KHK: variants seen among roughly 807,000 people sequenced by gnomAD.
The protein encoded by KHK is fructokinase.
Under a neutral mutation model 36.0 loss-of-function variants are expected in KHK, and 37 were observed. That is an observed-to-expected ratio of 1.03 (90% CI 0.79 to 1.35). KHK has a LOEUF of 1.35. KHK is among the 40% of genes most tolerant of loss of function. The probability of loss-of-function intolerance (pLI) is 0.00; values close to 1 mark genes in which losing one functional copy is unlikely to be tolerated. For missense variants in KHK, 395 were observed against 391.9 expected (o/e 1.01, Z -0.07); for synonymous variants, 161 against 162.8 (o/e 0.99, Z 0.08).
At position 27,092,402 on chromosome 2, in the gene KHK, G is replaced by A. The variant is rs973664792; in HGVS notation, c.163G>A (p.Ala55Thr). 3.1e-6 allele frequency: 5 copies of A among 1,613,556 alleles called. No individual in the cohort carries two copies. Among genetic ancestry groups the A allele is most frequent in the Middle Eastern group, 1.6e-4 (1 of 6,062 alleles). The change falls in exon 2 of 8, where the codon GCC (alanine) becomes ACC (threonine). Residue 55 changes from alanine (A) to threonine (T), a missense_variant. Ala to Thr is a moderately conservative substitution (Grantham distance 58, BLOSUM62 0). Transcript: ENST00000260598. ...NSCTVLSLLG[A>T]PCAFMGSMAP... ...CTGCACCGTTCTCTCCCTGCTCGGA[G>A]CCCCCTGTGCCTTCATGGGCTCAAT...
In KHK at chr2:27,096,797, T is replaced by C. The variant is rs1326418810; in HGVS notation, c.413T>C (p.Ile138Thr). ...CTGACCCAGTTCAAGTGGATCCACATTGAGGTAAGCCCTGCCTTACCTGTG... is the reference window on the plus strand; with the variant it reads ...CTGACCCAGTTCAAGTGGATCCACACTGAGGTAAGCCCTGCCTTACCTGTG... ...VDLTQFKWIH[I>T]EGRNASEQVK... Residue 138 changes from isoleucine (I) to threonine (T), a missense_variant, in exon 4 of 8, where the codon ATT becomes ACT. Transcript: ENST00000260598. The C allele has an allele frequency of 3.7e-6, 6 of 1,613,260 alleles. No individual in the cohort carries two copies. The highest frequency in any genetic ancestry group is 5.1e-6 in the Non-Finnish European group (6 of 1,179,254).
chr2:27,087,611 T>C (rs1050367582), intron 1 of KHK, among the ~76,000 whole-genome samples: 4 of 152,144 alleles, frequency 2.6e-5, no homozygotes, highest in African/African-American at 7.2e-5. Context: ...GCATCAGGTG[T>C]CAGGTGTCAG....
rs141247751 is a variant in KHK at position 27,100,463 on chromosome 2, G to A, written c.*713G>A. 5.4e-6 allele frequency: 7 copies of A among 1,291,058 alleles called. No homozygotes were observed. The highest frequency in any genetic ancestry group is 6.1e-6 in the Non-Finnish European group (6 of 988,876). The allele number at this position is 1,291,058 out of a possible 1,614,324, so 80.0% of individuals were successfully genotyped here. A position where few individuals can be genotyped will look rare whatever the true frequency, so the allele number is the denominator to read the frequency against. On this transcript the variant is annotated 3_prime_UTR_variant, in exon 8 of 8. Coordinates refer to ENST00000260598, the MANE Select transcript of KHK (RefSeq NM_006488.3). ...AGCCACAAATGTGACCCAGGATACA[G>A]AGTGTTGCTGTCCTCAGGGAGGTCC...
chr2:27,094,268 G>T (rs1670186756), intron 2 of KHK: 1 of 646,854 alleles, frequency 1.5e-6, no homozygotes. Context: ...ATGGCCCTTA[G>T]TGTTTCTCTC....
At chr2:27,097,116 C>A (rs933327058) in intron 4 of KHK, among the ~76,000 whole-genome samples, 1 of 152,152 alleles carries the variant, frequency 6.6e-6, no homozygotes. Context: ...TAGGGCCTGA[C>A]CCATTACCTC....
At chr2:27,099,336 A>C in intron 6 of KHK, 52 bp downstream of exon 6, 1 of 1,611,884 alleles carries the variant, frequency 6.2e-7, no homozygotes, top group South Asian at 1.1e-5. Flanking sequence ...ATGAGCCTGG[A>C]CTCCAGGAGT....
chr2:27,099,210 A>C lies in KHK; in HGVS notation c.579A>C (p.Lys193Asn). ...ACTGCCCACAGGTGTTTGTCAGCAA[A>C]GATGTGGCCAAGCACTTGGGGTTCC... Reference protein sequence around the residue: ...FGYGDVVFVSKDVAKHLGFQS... With the variant: ...FGYGDVVFVSNDVAKHLGFQS... Residue 193 changes from lysine (K) to asparagine (N), a missense_variant, in exon 6 of 8, where the codon AAA (lysine) becomes AAC (asparagine). Coordinates refer to ENST00000260598, the MANE Select transcript of KHK (RefSeq NM_006488.3). 6.2e-7 allele frequency: 1 copy of C among 1,614,104 alleles called. No homozygotes were observed. Among genetic ancestry groups the C allele is most frequent in the Non-Finnish European group, 8.5e-7 (1 of 1,180,014 alleles).
At chr2:27,093,809 C>T (rs1303682247) in intron 2 of KHK, among the ~76,000 whole-genome samples, 1 of 152,170 alleles carries the variant, frequency 6.6e-6, no homozygotes, top group African/African-American at 2.4e-5. Context: ...GGAGGGCATT[C>T]CAGGAGAGAG....
chr2:27,099,268 G>A lies in KHK; in HGVS notation c.637G>A (p.Gly213Ser). 6.2e-7 allele frequency: 1 copy of A among 1,614,150 alleles called. No homozygotes were observed. The highest frequency in any genetic ancestry group is 1.1e-5 in the South Asian group (1 of 91,060). The change falls in exon 6 of 8, where the codon GGT (glycine) becomes AGT (serine). Residue 213 changes from glycine to serine, a missense_variant. Gly to Ser is a moderately conservative substitution (Grantham distance 56, BLOSUM62 0). Coordinates refer to ENST00000260598, the MANE Select transcript of KHK (RefSeq NM_006488.3). ...SAEEALRGLY[G>S]RVRKGAVLVC... ...AGAGGAAGCCTTGAGGGGCTTGTATGGTCGTGTGAGGAAAGGGTGAGCCGG... is the reference window on the plus strand; with the variant it reads ...AGAGGAAGCCTTGAGGGGCTTGTATAGTCGTGTGAGGAAAGGGTGAGCCGG...
In KHK at chr2:27,087,310, C is replaced by T. The variant is rs1669715021; in HGVS notation, c.51C>T (p.Ile17=). The T allele has an allele frequency of 6.2e-7, 1 of 1,601,104 alleles. No individual in the cohort carries two copies. Among genetic ancestry groups the T allele is most frequent in the Non-Finnish European group, 8.5e-7 (1 of 1,173,522 alleles). The change falls in exon 1 of 8, where the codon ATC becomes ATT. Residue 17 remains isoleucine, a synonymous_variant. Coordinates refer to ENST00000260598, the MANE Select transcript of KHK (RefSeq NM_006488.3). ...TGGGGCTAGTGGTGCTGGACGTCAT[C>T]AGCCTGGTGGACAAGTACCCTAAGG... ...LCVGLVVLDV[I]SLVDKYPKED...
chr2:27,098,851 C>A (rs914106195), intron 5 of KHK: 2 of 289,780 alleles, frequency 6.9e-6, no homozygotes, highest in Non-Finnish European at 1.4e-5. Context: ...ACGGACCAGG[C>A]CTTTTGTTTT....
chr2:27,087,704 C>G (rs1021624035), intron 1 of KHK, among the ~76,000 whole-genome samples: 5 of 152,226 alleles, frequency 3.3e-5, no homozygotes, highest in African/African-American at 1.2e-4. Context: ...CCTGCTTCTG[C>G]TGTTTCTTTT....
chr2:27,091,240 C>A (rs1281778091), intron 1 of KHK, among the ~76,000 whole-genome samples: 2 of 151,948 alleles, frequency 1.3e-5, no homozygotes, highest in Non-Finnish European at 2.9e-5. Flanking sequence ...ACCACCATAC[C>A]CAGCTAATTT....
Position 27,094,349 on chromosome 2 carries a change from C to T in KHK, c.210-451C>T. On this transcript the variant is annotated intron_variant, in intron 2 of 7. Coordinates refer to ENST00000260598, the MANE Select transcript of KHK (RefSeq NM_006488.3). ...CTGCCTGTGGCAAGACTGTGATTCC[C>T]AGTTCTCTCCCAGCCCCCTTTGCTT... The T allele has an allele frequency of 2.8e-6, 3 of 1,088,452 alleles. No individual in the cohort carries two copies. In the South Asian group the frequency reaches 3.8e-5, roughly 14 times the overall value. The allele number at this position is 1,088,452 out of a possible 1,614,324, so 67.4% of individuals were successfully genotyped here. A position where few individuals can be genotyped will look rare whatever the true frequency, so the allele number is the denominator to read the frequency against.
intron 2 of KHK, 133 bp from the exon 3 acceptor site, chr2:27,094,667 G>C (rs1670225386): frequency 6.2e-7 from 1 of 1,613,752 alleles, no homozygotes. Flanking sequence ...AAAACTCCCA[G>C]AACAGGACTC....
rs200516077 is a variant in KHK, at chr2:27,090,432, C to CTTT, written c.93-1894_93-1892dup. 3.8e-3 allele frequency among the ~76,000 whole-genome samples: 518 copies of CTTT among 137,394 alleles called. 6 individuals are homozygous for CTTT. Among genetic ancestry groups the CTTT allele is most frequent in the African/African-American group, 0.013 (483 of 38,040 alleles). The allele number at this position is 137,394 out of a possible 152,430, so 90.1% of individuals were successfully genotyped here. On this transcript the variant is annotated intron_variant, in intron 1 of 7. Transcript: ENST00000260598. ...AAGCTGTAAAGCTCAGCTTGAAAAT[C>CTTT]TTTTTTTTCTTTTTTCTTTCTTTTT...
chr2:27,096,252 G>A (rs752798713), intron 3 of KHK, among the ~76,000 whole-genome samples: 4 of 152,182 alleles, frequency 2.6e-5, no homozygotes, highest in Non-Finnish European at 5.9e-5. Context: ...GGGTTGCAAC[G>A]GGGAGCTATT....
In KHK at chr2:27,100,198, G is replaced by A; in HGVS notation, c.*448G>A. 2.3e-6 allele frequency: 1 copy of A among 434,754 alleles called. No individual in the cohort carries two copies. Among genetic ancestry groups the A allele is most frequent in the South Asian group, 2.1e-5 (1 of 48,436 alleles). 26.9% of individuals were successfully genotyped at this position (434,754 alleles called of 1,614,324 possible). On this transcript the variant is annotated 3_prime_UTR_variant, in exon 8 of 8. Coordinates refer to ENST00000260598, the MANE Select transcript of KHK (RefSeq NM_006488.3). ...CCAGTGAACCTGCCAAAGAAACCGTGAGAGCTCTTCGGGGCCCTGCGTTGT... is the reference window on the plus strand; with the variant it reads ...CCAGTGAACCTGCCAAAGAAACCGTAAGAGCTCTTCGGGGCCCTGCGTTGT...
chr2:27,092,380 C>T lies in KHK; in HGVS notation c.141C>T (p.Cys47=), dbSNP rs142672179. The T allele has an allele frequency of 6.2e-7, 1 of 1,613,682 alleles. No individual in the cohort carries two copies. The highest frequency in any genetic ancestry group is 1.1e-5 in the South Asian group (1 of 91,092). ...WQRGGNASNS[C]TVLSLLGAPC... ...GCGGAGGCAACGCGTCCAACTCCTG[C>T]ACCGTTCTCTCCCTGCTCGGAGCCC... Residue 47 remains cysteine (C), a synonymous_variant, in exon 2 of 8, where the codon TGC becomes TGT. Transcript: ENST00000260598.
Sources: gnomAD v4.1 joint callset for allele counts (sites outside exome capture counted in the v4.1 genomes callset) on GRCh38, gnomAD v4.1.1 for gene constraint, MANE v1.5 for transcripts, NCBI Gene and HGNC (gene_info 2026-07-23, HGNC 2026-07-21) for gene names.